The following FSCN3 variants were observed in gnomAD, a reference collection of about 807,000 sequenced individuals.
The protein encoded by FSCN3 is fascin-3.
FSCN3 carries 43 observed loss-of-function variants against 53.5 expected under a neutral mutation model. That is an observed-to-expected ratio of 0.80 (90% CI 0.63 to 1.04). The LOEUF (loss-of-function observed/expected upper bound fraction) is 1.04. Among genes scored for constraint, FSCN3 ranks in the 50% least tolerant of loss-of-function variants. The pLI is 0.00. For missense variants in FSCN3, 594 were observed against 646.5 expected (o/e 0.92, Z 0.88); for synonymous variants, 235 against 246.6 (o/e 0.95, Z 0.44).
intron 6 of FSCN3, among the ~76,000 whole-genome samples, chr7:127,601,149 T>G (rs1794468826): frequency 6.6e-6 from 1 of 152,222 alleles, no homozygotes; most frequent in Admixed American, 6.5e-5. Flanking sequence ...TGCTCCTTCT[T>G]AATTACCATT....
chr7:127,595,108 G>A, intron 1 of FSCN3, 199 bp from the exon 2 acceptor site: 1 of 605,584 alleles, frequency 1.7e-6, no homozygotes, highest in East Asian at 2.8e-5. Flanking sequence ...GGGGTGGAAG[G>A]GCCCAGAGAT....
In FSCN3 at chr7:127,595,328, A is replaced by G. The variant is rs960292101; in HGVS notation, c.166A>G (p.Asn56Asp). The G allele has an allele frequency of 6.2e-7, 1 of 1,612,048 alleles. No individual in the cohort carries two copies. ...RRQTWEILVS[N>D]EHETQAVVRL... ...CCAGACCTGGGAGATCTTGGTGAGC[A>G]ATGAGCATGAGACACAGGCCGTGGT... The change falls in exon 2 of 7, where the codon AAT becomes GAT. Residue 56 changes from asparagine (N) to aspartate (D), a missense_variant. Physicochemically the swap from Asn to Asp is conservative, Grantham distance 23. Transcript: ENST00000265825.
rs1794486062 is a variant in FSCN3 at position 127,602,143 on chromosome 7, C to T, written c.*521C>T. ...ACCACGATTTATTTAACTTCCCCACCCATCATTACCTTTTTTCCAGTGAAG... is the reference window on the plus strand; with the variant it reads ...ACCACGATTTATTTAACTTCCCCACTCATCATTACCTTTTTTCCAGTGAAG... On this transcript the variant is annotated 3_prime_UTR_variant, in exon 7 of 7. Transcript: ENST00000265825. The T allele has an allele frequency of 1.3e-5, 2 of 151,992 alleles. No homozygotes were observed. Among genetic ancestry groups the T allele is most frequent in the African/African-American group, 4.8e-5 (2 of 41,354 alleles). The allele number at this position is 151,992 out of a possible 1,614,324, so 9.4% of individuals were successfully genotyped here.
chr7:127,601,418 A>C (rs1382664835), intron 6 of FSCN3, among the ~76,000 whole-genome samples: 1 of 152,210 alleles, frequency 6.6e-6, no homozygotes, highest in Non-Finnish European at 1.5e-5. Context: ...TGTTTTTTAC[A>C]TCACACAGAC....
In FSCN3 at chr7:127,595,951, A is replaced by G; in HGVS notation, c.789A>G (p.Pro263=). The G allele has an allele frequency of 1.3e-6, 2 of 1,587,606 alleles. No individual in the cohort carries two copies. Among genetic ancestry groups the G allele is most frequent in the Non-Finnish European group, 1.7e-6 (2 of 1,165,726 alleles). ...AGTGGTTCATCCTACAGCACTGCCC[A>G]ACCTGGGTCAGCCTCAGGTCAAAGA... is the stretch of plus-strand genomic sequence containing the variant. ...GEEWFILQHC[P]TWVSLRSKTG... is the part of the protein sequence containing the mutation. The change falls in exon 2 of 7, where the codon CCA becomes CCG. Residue 263 remains proline, a synonymous_variant. Coordinates refer to ENST00000265825, the MANE Select transcript of FSCN3 (RefSeq NM_020369.3).
intron 4 of FSCN3, 30 bp from the exon 5 acceptor site, chr7:127,599,351 A>G: frequency 6.3e-7 from 1 of 1,594,094 alleles, no homozygotes; most frequent in Non-Finnish European, 8.6e-7. Context: ...AAGGCAGCCC[A>G]TCCAGATAAC....
chr7:127,597,630 C>T (rs955457479), intron 3 of FSCN3, among the ~76,000 whole-genome samples: 4 of 152,098 alleles, frequency 2.6e-5, no homozygotes, highest in Non-Finnish European at 2.9e-5. Flanking sequence ...AGGCATGCGC[C>T]ACCATGCCCA....
intron 6 of FSCN3, 79 bp downstream of exon 6, chr7:127,600,478 AT>A (rs1047534216): frequency 2.4e-6 from 2 of 837,176 alleles, no homozygotes; most frequent in African/African-American, 3.3e-5. Flanking sequence ...GTGGGGAGGC[AT>A]GTGATGGGAA....
rs1794382565 is a variant in FSCN3, at chr7:127,595,999, C to G, written c.837C>G (p.Ile279Met). ...RSKTGRFISV[I>M]YDGEVRAASE... is the part of the protein sequence containing the mutation. ...AGACTGGGCGGTTCATCTCAGTCATCTACGGCAAGTGCTGGACCCAACACA... is the reference window on the plus strand; with the variant it reads ...AGACTGGGCGGTTCATCTCAGTCATGTACGGCAAGTGCTGGACCCAACACA... Residue 279 changes from isoleucine to methionine, a missense_variant, in exon 2 of 7, where the codon ATC becomes ATG. Transcript: ENST00000265825. The G allele has an allele frequency of 1.3e-6, 2 of 1,545,790 alleles. No individual in the cohort carries two copies. The highest frequency in any genetic ancestry group is 1.7e-6 in the Non-Finnish European group (2 of 1,145,802).
At chr7:127,601,571 G>A (rs2117436341) in intron 6 of FSCN3, 52 bp from the exon 7 acceptor site, 2 of 152,312 alleles carry the variant, frequency 1.3e-5, no homozygotes, top group South Asian at 4.1e-4. Context: ...CCAGAGATCA[G>A]CAAATGACTG....
chr7:127,593,772 T>G lies in FSCN3; in HGVS notation c.-82T>G. The G allele has an allele frequency of 6.8e-7, 1 of 1,469,450 alleles. No homozygotes were observed. Among genetic ancestry groups the G allele is most frequent in the Non-Finnish European group, 9.2e-7 (1 of 1,081,220 alleles). The allele number at this position is 1,469,450 out of a possible 1,614,324, so 91.0% of individuals were successfully genotyped here. On this transcript the variant is annotated 5_prime_UTR_variant, in exon 1 of 7. Transcript: ENST00000265825. ...CATCTGGTGGGTACTACAGGCCCTA[T>G]TCCAGGCCCTATGGCCTGTGGAACC...
Position 127,597,803 on chromosome 7 carries a change from A to G in FSCN3, c.961-632A>G, listed in dbSNP as rs1009454038. Among the ~76,000 whole-genome samples the G allele has an allele frequency of 1.1e-4, 17 of 152,188 alleles. No homozygotes were observed. The East Asian group carries it at 1.9e-3, about 17-fold the overall frequency. On this transcript the variant is annotated intron_variant, in intron 3 of 6. Coordinates refer to ENST00000265825, the MANE Select transcript of FSCN3 (RefSeq NM_020369.3). ...TCATGTGCTCATTGGACATTTGTAT[A>G]TCTTCTCTGTGACATATCTATTCAG...
chr7:127,595,055 T>C, intron 1 of FSCN3: 1 of 584,578 alleles, frequency 1.7e-6, no homozygotes, highest in Non-Finnish European at 3.0e-6. Flanking sequence ...CTGAAGGAGG[T>C]AGACATCTAG....
intron 3 of FSCN3, among the ~76,000 whole-genome samples, chr7:127,597,808 C>A (rs806216): frequency 0.19 from 29,024 of 152,194 alleles, 3,814 homozygotes; most frequent in East Asian, 0.65. Flanking sequence ...TGTATATCTT[C>A]TCTGTGACAT....
intron 3 of FSCN3, among the ~76,000 whole-genome samples, chr7:127,598,211 C>A (rs945296301): frequency 6.6e-6 from 1 of 152,210 alleles, no homozygotes; most frequent in East Asian, 1.9e-4. Context: ...GATATCCTGG[C>A]GTAGTTTTTA....
rs766279413 is a variant in FSCN3 at position 127,600,198 on chromosome 7, G to T, written c.1296G>T (p.Gln432His). The T allele has an allele frequency of 6.3e-7, 1 of 1,581,782 alleles. No individual in the cohort carries two copies. The highest frequency in any genetic ancestry group is 1.3e-5 in the African/African-American group (1 of 74,320). The change falls in exon 6 of 7, where the codon CAG becomes CAT. Residue 432 changes from glutamine (Q) to histidine (H), a missense_variant. Coordinates refer to ENST00000265825, the MANE Select transcript of FSCN3 (RefSeq NM_020369.3). The part of the protein sequence containing the change: ...CRPGIYHFQA[Q>H]GGSFWSITSF... The stretch of plus-strand genomic sequence containing the variant: ...CCTGAGCTCTTCCTTCTCCAGCACA[G>T]GGGGGATCCTTCTGGTCAATAACAT...
rs569716722 is a variant in FSCN3, at chr7:127,595,983, G to A, written c.821G>A (p.Arg274Gln). 1.9e-5 allele frequency: 29 copies of A among 1,555,108 alleles called. No individual in the cohort carries two copies. The South Asian group carries it at 2.5e-4, about 13-fold the overall frequency. Residue 274 changes from arginine to glutamine, a missense_variant, in exon 2 of 7, where the codon CGG (arginine) becomes CAG (glutamine). Coordinates refer to ENST00000265825, the MANE Select transcript of FSCN3 (RefSeq NM_020369.3). ...GTCAGCCTCAGGTCAAAGACTGGGC[G>A]GTTCATCTCAGTCATCTACGGCAAG... ...TWVSLRSKTG[R>Q]FISVIYDGEV... is the part of the protein sequence containing the mutation.
chr7:127,600,428 G>A (rs1039113614), intron 6 of FSCN3, 29 bp downstream of exon 6: 1 of 1,388,658 alleles, frequency 7.2e-7, no homozygotes, highest in African/African-American at 1.4e-5. Context: ...TAAGGGGCTA[G>A]GGGAGCAGAA....
intron 5 of FSCN3, 134 bp downstream of exon 5, chr7:127,599,685 C>G: frequency 1.3e-6 from 1 of 750,284 alleles, no homozygotes; most frequent in African/African-American, 1.8e-5. Flanking sequence ...GTGGCTCATG[C>G]CTGTAATCCC....
Sources: gnomAD v4.1 joint callset for allele counts (sites outside exome capture counted in the v4.1 genomes callset) on GRCh38, gnomAD v4.1.1 for gene constraint, MANE v1.5 for transcripts, NCBI Gene and HGNC (gene_info 2026-07-23, HGNC 2026-07-21) for gene names.